The following GPM6B variants were observed in gnomAD, a reference collection of about 807,000 sequenced individuals.
The protein encoded by GPM6B is neuronal membrane glycoprotein M6-b.
A neutral mutation model predicts 27.2 loss-of-function variants in GPM6B; 4 were observed. The observed-to-expected ratio is 0.15, with a 90% CI of 0.07 to 0.34. GPM6B has a LOEUF of 0.34. Ranked by LOEUF, GPM6B falls within the 10% of genes least tolerant of loss-of-function variation. The pLI, the probability that GPM6B is intolerant of heterozygous loss-of-function variation, is 1.00. For missense variants in GPM6B, 183 were observed against 261.9 expected (o/e 0.70, Z 2.08); for synonymous variants, 124 against 103.1 (o/e 1.20, Z -1.23).
At chrX:13,782,205 C>A (rs1238459034) in intron 4 of GPM6B, among the ~76,000 whole-genome samples, 1 of 112,020 alleles carries the variant, frequency 8.9e-6, no homozygotes, top group Non-Finnish European at 1.9e-5. Flanking sequence ...AGCTCCTCTC[C>A]AGTCTAAGGG....
chrX:13,872,330 C>T (rs892904850), intron 1 of GPM6B, among the ~76,000 whole-genome samples: 1 of 109,676 alleles, frequency 9.1e-6, no homozygotes, highest in South Asian at 4.0e-4. Flanking sequence ...GCCACCACAC[C>T]GGGCTATTTT....
chrX:13,825,665 A>G (rs1004394276), intron 1 of GPM6B, among the ~76,000 whole-genome samples: 4 of 112,928 alleles, frequency 3.5e-5, no homozygotes, highest in African/African-American at 1.3e-4. Flanking sequence ...GGGGGGCTAC[A>G]GAAGTTCGGT....
At chrX:13,825,605 G>A (rs188908079) in intron 1 of GPM6B, among the ~76,000 whole-genome samples, 2 of 112,868 alleles carry the variant, frequency 1.8e-5, no homozygotes, top group East Asian at 2.8e-4. Context: ...GGAAAATTCC[G>A]ATGTCCTTGC....
At chrX:13,911,979 C>T (rs1256006837) in intron 1 of GPM6B, among the ~76,000 whole-genome samples, 1 of 112,185 alleles carries the variant, frequency 8.9e-6, no homozygotes. Context: ...AACCAATCTC[C>T]TGGCTGACCT....
At chrX:13,812,053 T>C (rs987659925) in intron 1 of GPM6B, among the ~76,000 whole-genome samples, 5 of 89,809 alleles carry the variant, frequency 5.6e-5, no homozygotes, top group Middle Eastern at 4.7e-3. Flanking sequence ...TCTTTCTTTT[T>C]TTTTTTTTTT....
At chrX:13,852,704 T>C (rs1290707214) in intron 1 of GPM6B, among the ~76,000 whole-genome samples, 1 of 110,269 alleles carries the variant, frequency 9.1e-6, no homozygotes, top group Non-Finnish European at 1.9e-5. Context: ...AGCAGCCCCA[T>C]ACAGGACAAT....
At chrX:13,790,329 T>C (rs1244366185) in intron 2 of GPM6B, among the ~76,000 whole-genome samples, 2 of 112,333 alleles carry the variant, frequency 1.8e-5, no homozygotes, top group Non-Finnish European at 3.8e-5. Flanking sequence ...AGTGGACCAT[T>C]TGTCATTTGT....
chrX:13,827,411 T>C (rs1023539317), intron 1 of GPM6B, among the ~76,000 whole-genome samples: 1 of 107,499 alleles, frequency 9.3e-6, no homozygotes, highest in East Asian at 3.0e-4. Context: ...GCCTCCCAAA[T>C]AGCTGGCATT....
chrX:13,873,385 G>A (rs947970507), intron 1 of GPM6B, among the ~76,000 whole-genome samples: 2 of 110,409 alleles, frequency 1.8e-5, no homozygotes, highest in Non-Finnish European at 3.8e-5. Context: ...TTCCCAGTTG[G>A]GTAACTTAAG....
intron 1 of GPM6B, among the ~76,000 whole-genome samples, chrX:13,856,609 T>C (rs1188174854): frequency 8.9e-6 from 1 of 112,346 alleles, no homozygotes; most frequent in East Asian, 2.8e-4. Context: ...CTTAAAACAA[T>C]GCAAATTTAT....
intron 1 of GPM6B, among the ~76,000 whole-genome samples, chrX:13,815,138 T>C (rs1421912743): frequency 8.9e-6 from 1 of 111,891 alleles, no homozygotes; most frequent in Non-Finnish European, 1.9e-5. Flanking sequence ...TAGTAATGAT[T>C]TTATATTGGT....
At chrX:13,840,367 T>C (rs1289129499) in intron 1 of GPM6B, among the ~76,000 whole-genome samples, 1 of 111,110 alleles carries the variant, frequency 9.0e-6, no homozygotes, top group Non-Finnish European at 1.9e-5. Flanking sequence ...CTCAGTGTGC[T>C]ATGCTAGCAA....
chrX:13,806,517 C>G (rs755345002), intron 2 of GPM6B, among the ~76,000 whole-genome samples: 7 of 112,016 alleles, frequency 6.2e-5, no homozygotes, highest in Non-Finnish European at 1.1e-4. Flanking sequence ...CAGGCACACA[C>G]AGAACCAACA....
intron 2 of GPM6B, among the ~76,000 whole-genome samples, chrX:13,790,727 G>GA (rs1242303492): frequency 8.9e-6 from 1 of 112,288 alleles, no homozygotes; most frequent in African/African-American, 3.2e-5. Context: ...CAGCCATCTT[G>GA]AAAAGAGTGC....
intron 1 of GPM6B, among the ~76,000 whole-genome samples, chrX:13,873,967 C>CA (rs1470163536): frequency 3.6e-5 from 4 of 110,943 alleles, no homozygotes; most frequent in African/African-American, 6.6e-5. Context: ...CTTTAAATGG[C>CA]AAAAAAACAG....
At chrX:13,842,077 G>A (rs994465187) in intron 1 of GPM6B, among the ~76,000 whole-genome samples, 3 of 111,913 alleles carry the variant, frequency 2.7e-5, no homozygotes, top group Non-Finnish European at 5.6e-5. Context: ...AAATATTCAT[G>A]TGTTTAAGTT....
chrX:13,870,718 T>C (rs1481030055), intron 1 of GPM6B, among the ~76,000 whole-genome samples: 1 of 111,986 alleles, frequency 8.9e-6, no homozygotes, highest in African/African-American at 3.2e-5. Flanking sequence ...ACAATGAACA[T>C]GTGTGTGAAG....
At chrX:13,777,323 A>G (rs762590016) in intron 6 of GPM6B, 29 bp downstream of exon 6, 1 of 1,074,613 alleles carries the variant, frequency 9.3e-7, no homozygotes, top group East Asian at 3.0e-5. Flanking sequence ...CTAATACTCA[A>G]GGGTTATTCT....
chrX:13,837,145 C>T lies in GPM6B; in HGVS notation c.-197-51337G>A, dbSNP rs187032936. 2.9e-4 allele frequency among the ~76,000 whole-genome samples: 33 copies of T among 112,178 alleles called. 1 individual carries two copies. Among genetic ancestry groups the T allele is most frequent in the Admixed American group, 1.2e-3 (13 of 10,630 alleles). ...AAGCTGAAGACTTGACAAAAATAAA[C>T]GCAACCCAAATTGTATGAAACCACG... On this transcript the variant is annotated intron_variant, in intron 1 of 6. Coordinates refer to the GPM6B transcript ENST00000398361.
Sources: allele counts gnomAD v4.1 joint callset (sites outside exome capture counted in the v4.1 genomes callset), GRCh38; gene constraint gnomAD v4.1.1; transcripts MANE v1.5; gene names NCBI Gene and HGNC (gene_info 2026-07-23, HGNC 2026-07-21).